Variants in ZC3H12B observed in about 807,000 individuals in gnomAD.
The protein encoded by ZC3H12B is probable ribonuclease ZC3H12B.
A neutral mutation model predicts 43.9 loss-of-function variants in ZC3H12B; 7 were observed. The ratio of observed to expected loss-of-function variants is 0.16; its 90% CI spans 0.09 to 0.30. The LOEUF (loss-of-function observed/expected upper bound fraction) is 0.30. Among genes scored for constraint, ZC3H12B ranks in the 10% least tolerant of loss-of-function variants. ZC3H12B has a pLI of 1.00. For missense variants in ZC3H12B, 475 were observed against 670.2 expected (o/e 0.71, Z 3.22); for synonymous variants, 222 against 241.7 (o/e 0.92, Z 0.76).
chrX:65,447,039 G>A (rs1361931581), intron 3 of ZC3H12B, among the ~76,000 whole-genome samples: 1 of 111,530 alleles, frequency 9.0e-6, no homozygotes, highest in Non-Finnish European at 1.9e-5. Flanking sequence ...TAATTTAGAT[G>A]TCTATTTGGT....
chrX:65,373,983 A>AG lies in ZC3H12B; in HGVS notation n.295+4985_295+4986insG, dbSNP rs372669932. Among the ~76,000 whole-genome samples, 59 of 11,070 alleles carry AG rather than the reference A, an allele frequency of 5.3e-3. 4 individuals carry two copies. The highest frequency in any genetic ancestry group is 0.014 in the African/African-American group (52 of 3,784). The allele number at this position is 11,070 out of a possible 115,157, so 9.6% of individuals were successfully genotyped here. On this transcript the variant is annotated intron_variant and non_coding_transcript_variant, in intron 2 of 5. Transcript: ENST00000617377. ...TACTGTATATATAGTATATATATAT[A>AG]CTATATATATATAGTATATATATAT...
the ZC3H12B span, among the ~76,000 whole-genome samples, chrX:65,059,936 C>T: frequency 8.9e-6 from 1 of 111,978 alleles, no homozygotes; most frequent in Non-Finnish European, 1.9e-5. Context: ...TGATCTTTCA[C>T]TTCTTTGGTT....
chrX:65,277,693 C>T, the ZC3H12B span, among the ~76,000 whole-genome samples: 2 of 110,314 alleles, frequency 1.8e-5, no homozygotes, highest in South Asian at 7.6e-4. Context: ...GATACTAAAA[C>T]CTATGAAAAA....
the ZC3H12B span, among the ~76,000 whole-genome samples, chrX:65,195,727 C>A: frequency 8.9e-6 from 1 of 112,037 alleles, no homozygotes; most frequent in Non-Finnish European, 1.9e-5. Context: ...GATTAGGTTG[C>A]AAGTACAAAG....
At chrX:65,117,202 C>T in the ZC3H12B span, among the ~76,000 whole-genome samples, 5 of 111,740 alleles carry the variant, frequency 4.5e-5, no homozygotes, top group Non-Finnish European at 7.5e-5. Context: ...CCTATATCTC[C>T]ACATCTTCTC....
chrX:65,231,848 T>C, the ZC3H12B span, among the ~76,000 whole-genome samples: 1 of 111,612 alleles, frequency 9.0e-6, no homozygotes. Context: ...ACACACATGT[T>C]TTACAAAAAA....
the ZC3H12B span, among the ~76,000 whole-genome samples, chrX:65,335,688 G>C: frequency 8.9e-6 from 1 of 111,868 alleles, no homozygotes; most frequent in African/African-American, 3.2e-5. Flanking sequence ...AGCCTTAACT[G>C]CCAGACTACA....
the ZC3H12B span, among the ~76,000 whole-genome samples, chrX:65,226,760 C>G: frequency 9.0e-6 from 1 of 111,178 alleles, no homozygotes; most frequent in Non-Finnish European, 1.9e-5. Context: ...GACTTTAAAA[C>G]AACAAAGATC....
the ZC3H12B span, among the ~76,000 whole-genome samples, chrX:65,144,745 G>T: frequency 9.0e-6 from 1 of 111,251 alleles, no homozygotes. Flanking sequence ...GATCATTCAG[G>T]AGCAGGTTAT....
At position 65,405,242 on chromosome X, in the gene ZC3H12B, G is replaced by T. The variant is rs571172812; in HGVS notation, n.407+6538G>T. On this transcript the variant is annotated intron_variant and non_coding_transcript_variant, in intron 3 of 5. Coordinates refer to the ZC3H12B transcript ENST00000617377. Reference sequence around the variant, plus strand: ...TGTAAGTCCCTACATCAAAAAAGAGGAATAACTTCAAATAAACAATCTAAT... The same window carrying T: ...TGTAAGTCCCTACATCAAAAAAGAGTAATAACTTCAAATAAACAATCTAAT... Among the ~76,000 whole-genome samples the T allele has an allele frequency of 9.8e-5, 11 of 112,299 alleles. No individual in the cohort carries two copies. The South Asian group carries it at 4.1e-3, about 41-fold the overall frequency.
At chrX:65,118,985 T>G in the ZC3H12B span, among the ~76,000 whole-genome samples, 3 of 110,954 alleles carry the variant, frequency 2.7e-5, no homozygotes, top group Middle Eastern at 0.014. Context: ...GAACTCATCC[T>G]TTTTTAGGGC....
At chrX:65,427,223 G>A (rs1306368887) in intron 3 of ZC3H12B, among the ~76,000 whole-genome samples, 1 of 111,470 alleles carries the variant, frequency 9.0e-6, no homozygotes, top group African/African-American at 3.3e-5. Context: ...GCCCTTCTTT[G>A]TCTTTTTTGA....
At chrX:65,298,966 A>C in the ZC3H12B span, among the ~76,000 whole-genome samples, 2 of 111,428 alleles carry the variant, frequency 1.8e-5, no homozygotes, top group African/African-American at 6.5e-5. Flanking sequence ...TCACAATAAT[A>C]GCATGGTGGA....
chrX:65,314,294 A>T, the ZC3H12B span, among the ~76,000 whole-genome samples: 1 of 111,888 alleles, frequency 8.9e-6, no homozygotes, highest in Admixed American at 9.5e-5. Flanking sequence ...TGAAATATGT[A>T]AATTTACACA....
chrX:65,183,501 G>A, the ZC3H12B span, among the ~76,000 whole-genome samples: 2 of 111,025 alleles, frequency 1.8e-5, no homozygotes, highest in African/African-American at 6.5e-5. Flanking sequence ...CCAGTTGCAC[G>A]CAATTTACCT....
At chrX:65,102,437 G>A in the ZC3H12B span, among the ~76,000 whole-genome samples, 1 of 112,096 alleles carries the variant, frequency 8.9e-6, no homozygotes, top group Non-Finnish European at 1.9e-5. Context: ...AGGAGAGGAA[G>A]TCAAATTGTC....
the ZC3H12B span, among the ~76,000 whole-genome samples, chrX:65,174,677 G>T: frequency 1.6e-3 from 183 of 111,738 alleles, no homozygotes; most frequent in African/African-American, 5.8e-3. Flanking sequence ...CACTGTCAGG[G>T]GAAAACCGCC....
At chrX:65,272,811 C>T in the ZC3H12B span, 1 of 112,146 alleles carries the variant, frequency 8.9e-6, no homozygotes, top group South Asian at 3.7e-4. Flanking sequence ...TAGCTAAAAA[C>T]ACTGGCCTGA....
the ZC3H12B span, among the ~76,000 whole-genome samples, chrX:65,085,678 G>C: frequency 2.7e-5 from 3 of 110,115 alleles, no homozygotes; most frequent in Non-Finnish European, 3.8e-5. Flanking sequence ...AGTATAAGAT[G>C]GGAGGATCTC....
Sources: gnomAD v4.1 joint callset for allele counts (sites outside exome capture counted in the v4.1 genomes callset) on GRCh38, gnomAD v4.1.1 for gene constraint, MANE v1.5 for transcripts, NCBI Gene and HGNC (gene_info 2026-07-23, HGNC 2026-07-21) for gene names.